ABCC4: variants seen among roughly 807,000 people sequenced by gnomAD.
ABCC4 encodes ATP binding cassette subfamily C member 4 (PEL blood group), also known as ATP-binding cassette sub-family C member 4.
Under a neutral mutation model 168.5 loss-of-function variants are expected in ABCC4, and 102 were observed. That is an observed-to-expected ratio of 0.61 (90% CI 0.52 to 0.71). The LOEUF (loss-of-function observed/expected upper bound fraction) is 0.71. ABCC4 is among the 30% of genes least tolerant of loss of function. The pLI, the probability that ABCC4 is intolerant of heterozygous loss-of-function variation, is 0.00. For synonymous variants in ABCC4, 617 were observed against 590.7 expected, an observed-to-expected ratio of 1.04 and a Z score of -0.65; for missense variants, 1,402 against 1,605.8, an observed-to-expected ratio of 0.87 and a Z score of 2.17.
intron 20 of ABCC4, 61 bp downstream of exon 20, chr13:95,115,861 G>T: frequency 6.9e-7 from 1 of 1,439,220 alleles, no homozygotes; most frequent in East Asian, 2.3e-5. Context: ...CATGAAAAGG[G>T]CTTGAAAAAA....
chr13:95,275,998 A>G (rs902660413), intron 1 of ABCC4, among the ~76,000 whole-genome samples: 6 of 152,200 alleles, frequency 3.9e-5, no homozygotes, highest in Middle Eastern at 3.2e-3. Context: ...GAATAGCTGC[A>G]TATTTAGAAA....
intron 1 of ABCC4, among the ~76,000 whole-genome samples, chr13:95,259,575 T>C (rs1308924897): frequency 1.3e-5 from 2 of 152,134 alleles, no homozygotes; most frequent in Non-Finnish European, 2.9e-5. Flanking sequence ...TCCTGACAAC[T>C]AAAATTATCT....
At chr13:95,083,384 T>C in intron 20 of ABCC4, 94 bp from the exon 21 acceptor site, 2 of 1,432,894 alleles carry the variant, frequency 1.4e-6, no homozygotes, top group Non-Finnish European at 1.9e-6. Context: ...CTCCTTTCTC[T>C]GAAAGACTTA....
chr13:95,225,968 TAAAAAA>T lies in ABCC4; in HGVS notation c.531+8636_531+8641del, dbSNP rs11414379. ...AACATACTGAGACTCCATCTCCACT[TAAAAAA>T]AAAAAAAAAAGAAAAAGAAATGTAT... On this transcript the variant is annotated intron_variant, in intron 4 of 30. Coordinates refer to ENST00000645237, the MANE Select transcript of ABCC4 (RefSeq NM_005845.5). 2.0e-3 allele frequency among the ~76,000 whole-genome samples: 236 copies of T among 117,784 alleles called. 1 individual carries two copies. The highest frequency in any genetic ancestry group is 7.3e-3 in the African/African-American group (226 of 30,784). 77.3% of individuals were successfully genotyped at this position (117,784 alleles called of 152,430 possible).
chr13:95,106,366 T>TAC (rs1006586555), intron 20 of ABCC4, among the ~76,000 whole-genome samples: 1 of 151,520 alleles, frequency 6.6e-6, no homozygotes, highest in African/African-American at 2.4e-5. Flanking sequence ...TATATATATA[T>TAC]ACATATATAC....
chr13:95,278,806 GAAAAAAAAA>G (rs71113905), intron 1 of ABCC4, among the ~76,000 whole-genome samples: 4 of 34,344 alleles, frequency 1.2e-4, no homozygotes, highest in African/African-American at 3.0e-4. Flanking sequence ...CCCTGTCTCG[GAAAAAAAAA>G]AAAAAAAAAA....
At chr13:95,129,463 G>A (rs1233002318) in intron 19 of ABCC4, among the ~76,000 whole-genome samples, 1 of 152,048 alleles carries the variant, frequency 6.6e-6, no homozygotes, top group African/African-American at 2.4e-5. Flanking sequence ...GACATGTTGT[G>A]GATATTCCAA....
At chr13:95,076,243 A>C (rs2033898389) in intron 21 of ABCC4, among the ~76,000 whole-genome samples, 1 of 152,188 alleles carries the variant, frequency 6.6e-6, no homozygotes, top group African/African-American at 2.4e-5. Flanking sequence ...GAATGGTCTT[A>C]ACATTGGCTC....
chr13:95,232,125 ATGATGGTGG>A, intron 4 of ABCC4, among the ~76,000 whole-genome samples: 1 of 151,006 alleles, frequency 6.6e-6, no homozygotes, highest in Admixed American at 6.6e-5. Flanking sequence ...GCTGCTGATG[ATGATGGTGG>A]TGGTGGTGGT....
At chr13:95,080,060 C>A (rs1329868601) in intron 21 of ABCC4, among the ~76,000 whole-genome samples, 8 of 152,172 alleles carry the variant, frequency 5.3e-5, no homozygotes, top group Non-Finnish European at 1.2e-4. Flanking sequence ...TAAAAATCCC[C>A]TAATCTTACT....
intron 9 of ABCC4, among the ~76,000 whole-genome samples, 175 bp downstream of exon 9, chr13:95,194,661 T>C (rs1468383420): frequency 6.6e-6 from 1 of 152,242 alleles, no homozygotes; most frequent in Non-Finnish European, 1.5e-5. Context: ...TCTGATTTCA[T>C]ACCTACTTTC....
At chr13:95,048,556 G>A (rs953218843) in intron 27 of ABCC4, among the ~76,000 whole-genome samples, 1 of 152,200 alleles carries the variant, frequency 6.6e-6, no homozygotes, top group Admixed American at 6.5e-5. Flanking sequence ...AAGTGTGAAC[G>A]AAGCGAGCGG....
intron 9 of ABCC4, among the ~76,000 whole-genome samples, chr13:95,189,742 G>C (rs1295838070): frequency 6.6e-6 from 1 of 152,110 alleles, no homozygotes; most frequent in African/African-American, 2.4e-5. Context: ...AAAAACTGAA[G>C]AATAATGAAA....
At chr13:95,287,693 G>A (rs748890550) in intron 1 of ABCC4, among the ~76,000 whole-genome samples, 5 of 152,184 alleles carry the variant, frequency 3.3e-5, no homozygotes, top group Non-Finnish European at 7.3e-5. Flanking sequence ...TGAGGATGTA[G>A]TGTGCCTGTG....
At chr13:95,128,957 C>T (rs577257066) in intron 19 of ABCC4, among the ~76,000 whole-genome samples, 3 of 152,188 alleles carry the variant, frequency 2.0e-5, no homozygotes, top group South Asian at 2.1e-4. Context: ...TCAAGGAAAA[C>T]GGCCTAGCTC....
At chr13:95,246,473 A>C (rs1425376746) in intron 3 of ABCC4, among the ~76,000 whole-genome samples, 1 of 152,200 alleles carries the variant, frequency 6.6e-6, no homozygotes, top group Admixed American at 6.5e-5. Context: ...GAGAGGTGAC[A>C]ATACCTCTCC....
At chr13:95,099,713 C>T (rs1458510343) in intron 20 of ABCC4, among the ~76,000 whole-genome samples, 2 of 152,122 alleles carry the variant, frequency 1.3e-5, no homozygotes, top group African/African-American at 2.4e-5. Context: ...ATGTTTGATA[C>T]GTGTCCCATA....
At chr13:95,153,403 G>C (rs1369521627) in intron 19 of ABCC4, among the ~76,000 whole-genome samples, 1 of 151,962 alleles carries the variant, frequency 6.6e-6, no homozygotes, top group Non-Finnish European at 1.5e-5. Context: ...ATCAGTTAAT[G>C]GGGGGGCGTT....
intron 3 of ABCC4, among the ~76,000 whole-genome samples, chr13:95,240,435 G>A (rs2039904731): frequency 6.6e-6 from 1 of 152,024 alleles, no homozygotes; most frequent in African/African-American, 2.4e-5. Flanking sequence ...GGAGGCTGAG[G>A]CAGGAGAATC....
Sources: allele counts gnomAD v4.1 joint callset (sites outside exome capture counted in the v4.1 genomes callset), GRCh38; gene constraint gnomAD v4.1.1; transcripts MANE v1.5; gene names NCBI Gene and HGNC (gene_info 2026-07-23, HGNC 2026-07-21).